HGD: variants seen among roughly 807,000 people sequenced by gnomAD.
HGD encodes the protein homogentisate 1,2-dioxygenase, also known as homogentisate oxidase.
In HGD, 61 loss-of-function variants were observed where a neutral mutation model predicts 60.8. The observed-to-expected ratio is 1.00, with a 90% CI of 0.82 to 1.24. The LOEUF (loss-of-function observed/expected upper bound fraction) is 1.24. HGD is among the 50% of genes most tolerant of loss of function. The pLI is 0.00. For missense variants in HGD, 542 were observed against 547.1 expected (o/e 0.99, Z 0.09); for synonymous variants, 212 against 187.7 (o/e 1.13, Z -1.06).
chr3:120,671,767 G>T (rs1413932810), intron 3 of HGD, among the ~76,000 whole-genome samples: 2 of 152,118 alleles, frequency 1.3e-5, no homozygotes, highest in African/African-American at 4.8e-5. Context: ...ACTGGATAAA[G>T]AAAATGTGGT....
intron 4 of HGD, among the ~76,000 whole-genome samples, chr3:120,664,712 T>A (rs1476669741): frequency 6.6e-6 from 1 of 152,198 alleles, no homozygotes; most frequent in Non-Finnish European, 1.5e-5. Context: ...ATTACAGGCA[T>A]GAGCCACTGT....
intron 12 of HGD, among the ~76,000 whole-genome samples, chr3:120,636,094 G>C (rs1940764334): frequency 7.5e-6 from 1 of 133,964 alleles, no homozygotes. Context: ...AACATGGCAA[G>C]ACCCCGTCTG....
At chr3:120,681,841 C>T (rs1317769237) in intron 1 of HGD, among the ~76,000 whole-genome samples, 3 of 152,186 alleles carry the variant, frequency 2.0e-5, no homozygotes, top group African/African-American at 4.8e-5. Context: ...AGGATGTCTA[C>T]AGATTTCCAA....
At chr3:120,677,933 C>T (rs1708162774) in intron 1 of HGD, 1 of 152,172 alleles carries the variant, frequency 6.6e-6, no homozygotes, top group Admixed American at 6.6e-5. Flanking sequence ...CCCTGATACT[C>T]AGTGGCGTGG....
At chr3:120,675,474 T>C (rs1256641135) in intron 2 of HGD, among the ~76,000 whole-genome samples, 2 of 152,208 alleles carry the variant, frequency 1.3e-5, no homozygotes, top group African/African-American at 4.8e-5. Flanking sequence ...AAGCACCTTG[T>C]TATTTTATCA....
chr3:120,664,267 G>A (rs1450114638), intron 4 of HGD, among the ~76,000 whole-genome samples: 3 of 152,044 alleles, frequency 2.0e-5, no homozygotes, highest in African/African-American at 7.2e-5. Flanking sequence ...AGATGTGAGA[G>A]GGTTGGAGTC....
At chr3:120,644,946 T>C (rs1316262238) in intron 9 of HGD, among the ~76,000 whole-genome samples, 1 of 152,224 alleles carries the variant, frequency 6.6e-6, no homozygotes, top group Non-Finnish European at 1.5e-5. Flanking sequence ...TGAAAAACCC[T>C]GTCTGCCACT....
chr3:120,629,072 G>A (rs1940504505), intron 13 of HGD, among the ~76,000 whole-genome samples: 1 of 152,170 alleles, frequency 6.6e-6, no homozygotes. Flanking sequence ...AAAGGGAGTG[G>A]GGAGGAGAGG....
chr3:120,674,678 T>C, intron 3 of HGD: 1 of 505,420 alleles, frequency 2.0e-6, no homozygotes, highest in Non-Finnish European at 3.7e-6. Flanking sequence ...TGGACATGTG[T>C]ATTTTCCCAG....
At chr3:120,667,613 T>C (rs1707930384) in intron 4 of HGD, among the ~76,000 whole-genome samples, 1 of 151,910 alleles carries the variant, frequency 6.6e-6, no homozygotes, top group Non-Finnish European at 1.5e-5. Flanking sequence ...GTAAAAGAAG[T>C]ATGGCTCCAC....
intron 7 of HGD, 121 bp downstream of exon 7, chr3:120,647,756 T>C (rs984704730): frequency 4.6e-6 from 4 of 870,120 alleles, no homozygotes; most frequent in Non-Finnish European, 7.9e-6. Context: ...AGTCTCTGGA[T>C]TGCACTAAAT....
chr3:120,633,322 C>T lies in HGD; in HGVS notation c.1013G>A (p.Cys338Tyr). The T allele has an allele frequency of 6.2e-7, 1 of 1,614,168 alleles. No homozygotes were observed. The highest frequency in any genetic ancestry group is 8.5e-7 in the Non-Finnish European group (1 of 1,180,016). The change falls in exon 13 of 14, where the codon TGC becomes TAC. Residue 338 changes from cysteine (C) to tyrosine (Y), a missense_variant. Cys to Tyr is a radical substitution (Grantham distance 194, BLOSUM62 -2). Transcript: ENST00000283871. The stretch of plus-strand genomic sequence containing the variant: ...GATGAGTCCCATGAACTCACTCATG[C>T]AGTTCCCTGGGAAGGTTGAAGCAGT... ...TFRPPYYHRN[C>Y]MSEFMGLIRG...
At chr3:120,650,626 T>C (rs1941308041) in intron 6 of HGD, 148 bp downstream of exon 6, 1 of 704,098 alleles carries the variant, frequency 1.4e-6, no homozygotes. Context: ...AATAAATATA[T>C]ATGAATATTG....
chr3:120,629,979 A>C (rs1327785925), intron 13 of HGD, among the ~76,000 whole-genome samples: 1 of 152,204 alleles, frequency 6.6e-6, no homozygotes, highest in Admixed American at 6.5e-5. Flanking sequence ...ATACACCAAC[A>C]ACAGTCAAGC....
chr3:120,636,162 C>G (rs150990715), intron 12 of HGD, among the ~76,000 whole-genome samples: 16,043 of 149,278 alleles, frequency 0.11, 1,107 homozygotes, highest in Non-Finnish European at 0.16. Context: ...CACCTGTGGT[C>G]CAAGCTACTC....
chr3:120,654,054 AGC>A (rs1941421938), intron 4 of HGD, among the ~76,000 whole-genome samples: 1 of 152,224 alleles, frequency 6.6e-6, no homozygotes, highest in Non-Finnish European at 1.5e-5. Context: ...GCCACAGCTA[AGC>A]ACTGCTGGAT....
At chr3:120,641,296 A>C (rs1355629088) in intron 11 of HGD, among the ~76,000 whole-genome samples, 1 of 152,134 alleles carries the variant, frequency 6.6e-6, no homozygotes, top group African/African-American at 2.4e-5. Context: ...TTGGGGGATA[A>C]ATTTTCCACA....
chr3:120,646,011 C>A (rs1355786758), intron 9 of HGD, among the ~76,000 whole-genome samples: 3 of 152,102 alleles, frequency 2.0e-5, no homozygotes, highest in African/African-American at 7.2e-5. Context: ...CACTATGCAA[C>A]CAGAAATCTA....
chr3:120,636,491 G>A (rs1182015175), intron 12 of HGD, among the ~76,000 whole-genome samples: 1 of 152,174 alleles, frequency 6.6e-6, no homozygotes, highest in Non-Finnish European at 1.5e-5. Flanking sequence ...AAGAACAAGA[G>A]TGAAATGGTG....
Sources: allele counts gnomAD v4.1 joint callset (sites outside exome capture counted in the v4.1 genomes callset), GRCh38; gene constraint gnomAD v4.1.1; transcripts MANE v1.5; gene names NCBI Gene and HGNC (gene_info 2026-07-23, HGNC 2026-07-21).